Variants in BCKDHB observed in about 807,000 individuals in gnomAD.
BCKDHB encodes the protein branched chain keto acid dehydrogenase E1 subunit beta.
BCKDHB carries 41 observed loss-of-function variants against 48.5 expected under a neutral mutation model. The observed-to-expected ratio is 0.85, with a 90% CI of 0.66 to 1.10. The LOEUF (loss-of-function observed/expected upper bound fraction) is 1.10. BCKDHB is among the 50% of genes least tolerant of loss of function. The pLI, the probability that BCKDHB is intolerant of heterozygous loss-of-function variation, is 0.00. For synonymous variants in BCKDHB, 201 were observed against 174.8 expected (o/e 1.15, Z -1.18); for missense variants, 496 against 494.2 (o/e 1.00, Z -0.03).
chr6:80,218,450 C>G (rs1775270911), intron 8 of BCKDHB, among the ~76,000 whole-genome samples: 3 of 152,148 alleles, frequency 2.0e-5, no homozygotes, highest in African/African-American at 7.2e-5. Flanking sequence ...TATACACGCA[C>G]ACGTATGTGT....
chr6:80,436,246 C>T, the BCKDHB span, among the ~76,000 whole-genome samples: 5 of 136,672 alleles, frequency 3.7e-5, no homozygotes, highest in Non-Finnish European at 4.6e-5. Context: ...GCAAGCTCTG[C>T]CCCCCGGGTT....
chr6:80,118,374 T>G (rs75645082), intron 1 of BCKDHB, among the ~76,000 whole-genome samples: 20 of 152,308 alleles, frequency 1.3e-4, no homozygotes, highest in Admixed American at 3.3e-4. Context: ...AATTAAGAAA[T>G]ACTTTATCGA....
intron 3 of BCKDHB, among the ~76,000 whole-genome samples, chr6:80,133,850 C>G (rs1223660665): frequency 6.6e-6 from 1 of 152,068 alleles, no homozygotes; most frequent in Non-Finnish European, 1.5e-5. Flanking sequence ...ATCATGTTGG[C>G]TAGGCTGGTC....
At chr6:80,280,994 A>G (rs1216624924) in intron 9 of BCKDHB, among the ~76,000 whole-genome samples, 1 of 151,606 alleles carries the variant, frequency 6.6e-6, no homozygotes, top group Non-Finnish European at 1.5e-5. Context: ...AGTTTCACTG[A>G]GATGGGGAAT....
chr6:80,378,455 A>G, the BCKDHB span, among the ~76,000 whole-genome samples: 51 of 151,338 alleles, frequency 3.4e-4, no homozygotes, highest in African/African-American at 1.2e-3. Flanking sequence ...GTGTGTGTGT[A>G]TGTGTGTGTG....
chr6:80,109,444 T>C (rs767662866), intron 1 of BCKDHB, among the ~76,000 whole-genome samples: 10 of 152,212 alleles, frequency 6.6e-5, no homozygotes, highest in Non-Finnish European at 1.3e-4. Context: ...ATTATTTCTT[T>C]AGGATAGAGT....
the BCKDHB span, among the ~76,000 whole-genome samples, chr6:80,365,633 AC>A: frequency 3.6e-4 from 55 of 152,252 alleles, no homozygotes; most frequent in Non-Finnish European, 6.2e-4. Flanking sequence ...TTCAAAGTGC[AC>A]TGATTTCATA....
chr6:80,374,629 C>G, the BCKDHB span: 1 of 515,770 alleles, frequency 1.9e-6, no homozygotes, highest in South Asian at 2.1e-5. Flanking sequence ...TTAAGTGGAG[C>G]ATTTAGGCCA....
chr6:80,126,403 AATGTCCCATGGTCAGACAG>A (rs1283225233), intron 1 of BCKDHB, among the ~76,000 whole-genome samples: 1 of 152,178 alleles, frequency 6.6e-6, no homozygotes, highest in Non-Finnish European at 1.5e-5. Flanking sequence ...ACAAGTGACC[AATGTCCCATGGTCAGACAG>A]TTGAAGGCAA....
intron 9 of BCKDHB, among the ~76,000 whole-genome samples, chr6:80,302,115 A>G (rs777229826): frequency 1.7e-4 from 26 of 152,100 alleles, no homozygotes; most frequent in Non-Finnish European, 3.7e-4. Flanking sequence ...ACTCTCACCA[A>G]TCCTATTCAA....
chr6:80,197,374 G>GT (rs199518392), intron 6 of BCKDHB, among the ~76,000 whole-genome samples: 99 of 150,176 alleles, frequency 6.6e-4, no homozygotes, highest in African/African-American at 2.2e-3. Context: ...CTAAGAGGAG[G>GT]TTTTTTTTTC....
chr6:80,298,963 C>T (rs9448921), intron 9 of BCKDHB, among the ~76,000 whole-genome samples: 6,965 of 152,226 alleles, frequency 0.046, 537 homozygotes, highest in African/African-American at 0.16. Context: ...CTAATTCTGT[C>T]ACCCATAGCC....
At chr6:80,244,959 A>C (rs930633017) in intron 8 of BCKDHB, among the ~76,000 whole-genome samples, 6 of 152,188 alleles carry the variant, frequency 3.9e-5, no homozygotes, top group South Asian at 4.1e-4. Flanking sequence ...CAATTCAACA[A>C]ACTTTTGTTG....
At chr6:80,408,654 A>G in the BCKDHB span, among the ~76,000 whole-genome samples, 3 of 151,750 alleles carry the variant, frequency 2.0e-5, no homozygotes, top group African/African-American at 7.3e-5. Flanking sequence ...AGAGGTGTTT[A>G]TGGTATTCTC....
intron 9 of BCKDHB, among the ~76,000 whole-genome samples, chr6:80,278,157 C>T (rs1778043615): frequency 6.6e-6 from 1 of 152,110 alleles, no homozygotes. Context: ...GAGTAGTTTA[C>T]TGCAATTTTA....
At chr6:80,227,759 G>C (rs1226101587) in intron 8 of BCKDHB, among the ~76,000 whole-genome samples, 1 of 152,196 alleles carries the variant, frequency 6.6e-6, no homozygotes, top group Non-Finnish European at 1.5e-5. Context: ...TGAGGTAACA[G>C]TGGGGCTAAC....
chr6:80,141,100 TTG>T (rs1771183578), intron 3 of BCKDHB, among the ~76,000 whole-genome samples: 1 of 152,172 alleles, frequency 6.6e-6, no homozygotes, highest in African/African-American at 2.4e-5. Flanking sequence ...GTAGAGGTGT[TTG>T]TAGTAATCTC....
At chr6:80,151,419 C>CTT (rs529086862) in intron 3 of BCKDHB, among the ~76,000 whole-genome samples, 3 of 142,364 alleles carry the variant, frequency 2.1e-5, no homozygotes, top group Admixed American at 7.0e-5. Context: ...TTAAAACTAA[C>CTT]TTTTTTTTTT....
intron 9 of BCKDHB, among the ~76,000 whole-genome samples, chr6:80,335,708 G>A (rs888752448): frequency 6.6e-6 from 1 of 152,076 alleles, no homozygotes; most frequent in African/African-American, 2.4e-5. Flanking sequence ...TTTGCAGAGA[G>A]ATTTAGTGAA....
Sources: allele counts gnomAD v4.1 joint callset (sites outside exome capture counted in the v4.1 genomes callset), GRCh38; gene constraint gnomAD v4.1.1; transcripts MANE v1.5; gene names NCBI Gene and HGNC (gene_info 2026-07-23, HGNC 2026-07-21).